The following DAG1 variants were observed in gnomAD, a reference collection of about 807,000 sequenced individuals.
The protein encoded by DAG1 is dystroglycan 1 (dystrophin-associated glycoprotein 1).
In DAG1, 8 loss-of-function variants were observed where a neutral mutation model predicts 46.1. The observed-to-expected ratio is 0.17, with a 90% CI of 0.10 to 0.31. The LOEUF is 0.31. DAG1 is among the 10% of genes least tolerant of loss of function. The pLI is 1.00. For synonymous variants in DAG1, 495 were observed against 481.8 expected (o/e 1.03, Z -0.36); for missense variants, 1,003 against 1,189.9 (o/e 0.84, Z 2.31).
chr3:49,471,306 A>G (rs930054397), intron 1 of DAG1, among the ~76,000 whole-genome samples: 3 of 152,188 alleles, frequency 2.0e-5, no homozygotes, highest in African/African-American at 7.2e-5. Flanking sequence ...CGTGAAGGGA[A>G]GGTGGTGTTT....
intron 1 of DAG1, chr3:49,476,909 A>C (rs1463665349): frequency 6.6e-6 from 1 of 152,218 alleles, no homozygotes; most frequent in Admixed American, 6.6e-5. Context: ...AGGTGAGGTA[A>C]GGTACTTGAA....
Position 49,532,408 on chromosome 3 carries a change from C to A in DAG1, c.1897C>A (p.Leu633Met). The change falls in exon 3 of 3, where the codon CTG becomes ATG. Residue 633 changes from leucine to methionine, a missense_variant. Leu to Met is a conservative substitution (Grantham distance 15, BLOSUM62 2). Coordinates refer to ENST00000308775, the MANE Select transcript of DAG1 (RefSeq NM_004393.6). The surrounding 1 kb of genome is among the most constrained non-coding windows in gnomAD (Gnocchi z 5.4). ...CAAGAAGATTGCCTTGGTAAAGAAACTGGCCTTCGCCTTTGGAGACCGAAA... is the reference window on the plus strand; with the variant it reads ...CAAGAAGATTGCCTTGGTAAAGAAAATGGCCTTCGCCTTTGGAGACCGAAA... ...IHKKIALVKK[L>M]AFAFGDRNCS... 1 of 1,614,212 alleles carries A rather than the reference C, an allele frequency of 6.2e-7. No individual in the cohort carries two copies. The highest frequency in any genetic ancestry group is 8.5e-7 in the Non-Finnish European group (1 of 1,180,052).
chr3:49,515,519 G>A (rs1271042662), intron 2 of DAG1, among the ~76,000 whole-genome samples: 1 of 151,240 alleles, frequency 6.6e-6, no homozygotes, highest in Non-Finnish European at 1.5e-5. Flanking sequence ...CCAAGTAACT[G>A]GGACTATAGG....
intron 2 of DAG1, among the ~76,000 whole-genome samples, chr3:49,516,098 A>G (rs73074811): frequency 2.8e-4 from 42 of 152,262 alleles, no homozygotes; most frequent in African/African-American, 9.4e-4. Flanking sequence ...GGGTACAGCC[A>G]TATCTTTCAG....
intron 2 of DAG1, among the ~76,000 whole-genome samples, chr3:49,512,166 G>A (rs867318055): frequency 4.6e-5 from 7 of 151,740 alleles, no homozygotes; most frequent in Non-Finnish European, 7.4e-5. Context: ...CAAGTAGCTG[G>A]GACTACAGGT....
chr3:49,531,728 C>G lies in DAG1; in HGVS notation c.1217C>G (p.Thr406Ser), dbSNP rs1398739472. ...TVPGQIRPTM[T>S]IPGYVEPTAV... ...CCTGGCCAGATTCGCCCAACGATGA[C>G]CATTCCTGGCTATGTGGAGCCTACT... Residue 406 changes from threonine (T) to serine (S), a missense_variant, in exon 3 of 3, where the codon ACC becomes AGC. Around this residue, in one of 3 missense-constraint regions of DAG1, gnomAD observed 755 missense variants for 854.1 expected, o/e 0.88. Coordinates refer to ENST00000308775, the MANE Select transcript of DAG1 (RefSeq NM_004393.6). This position sits in a 1 kb window ranked among gnomAD's most constrained non-coding sequence, Gnocchi z 7.0. 1.2e-6 allele frequency: 2 copies of G among 1,613,974 alleles called. No individual in the cohort carries two copies. The highest frequency in any genetic ancestry group is 1.7e-6 in the Non-Finnish European group (2 of 1,180,024).
rs563610375 is a variant in DAG1, at chr3:49,533,329, CAG to C, written c.*131_*132del. 128 of 1,399,956 alleles carry C rather than the reference CAG, an allele frequency of 9.1e-5. 1 individual carries two copies. The highest frequency in any genetic ancestry group is 6.5e-4 in the South Asian group (53 of 81,498). 86.7% of individuals were successfully genotyped at this position (1,399,956 alleles called of 1,614,324 possible). On this transcript the variant is annotated 3_prime_UTR_variant, in exon 3 of 3. Coordinates refer to ENST00000308775, the MANE Select transcript of DAG1 (RefSeq NM_004393.6). ...ACACCTGACCTAGCACACACTGACA[CAG>C]GGGCCTGGACAAGCCCGCCCTCTCT...
At position 49,533,969 on chromosome 3, in the gene DAG1, C is replaced by T; in HGVS notation, c.*770C>T. On this transcript the variant is annotated 3_prime_UTR_variant, in exon 3 of 3. Transcript: ENST00000308775. ...GCCAGGGGCTGGAAGCTGGAGGGGT[C>T]TCTTGGGCCATGGACATCCCCACTT... The T allele has an allele frequency of 6.3e-6, 1 of 157,648 alleles. No individual in the cohort carries two copies. The highest frequency in any genetic ancestry group is 1.4e-5 in the Non-Finnish European group (1 of 71,374). The allele number at this position is 157,648 out of a possible 1,614,324, so 9.8% of individuals were successfully genotyped here.
intron 1 of DAG1, among the ~76,000 whole-genome samples, chr3:49,490,786 T>C (rs2050160365): frequency 6.6e-6 from 1 of 151,690 alleles, no homozygotes; most frequent in African/African-American, 2.4e-5. Context: ...CCCAGGCTGG[T>C]CTCAAACTCA....
chr3:49,480,437 G>A (rs1036809597), intron 1 of DAG1, among the ~76,000 whole-genome samples: 5 of 151,092 alleles, frequency 3.3e-5, no homozygotes, highest in African/African-American at 7.3e-5. Context: ...CACCACGCCC[G>A]GCTAATTTTT....
chr3:49,520,792 A>C (rs941674218), intron 2 of DAG1, among the ~76,000 whole-genome samples: 1 of 152,172 alleles, frequency 6.6e-6, no homozygotes, highest in Non-Finnish European at 1.5e-5. Flanking sequence ...ATCCCTCTTT[A>C]CTGGCCATCA....
chr3:49,485,881 A>G (rs2050012181), intron 1 of DAG1, among the ~76,000 whole-genome samples: 1 of 151,806 alleles, frequency 6.6e-6, no homozygotes, highest in Non-Finnish European at 1.5e-5. Context: ...GGCTAGTCTC[A>G]AACTCCTAGC....
chr3:49,497,476 T>C (rs1048752553), intron 1 of DAG1, among the ~76,000 whole-genome samples: 1 of 150,196 alleles, frequency 6.7e-6, no homozygotes, highest in Non-Finnish European at 1.5e-5. Context: ...GAGCCAGGCA[T>C]GGTGCTGTGA....
At chr3:49,491,461 C>T (rs2050182181) in intron 1 of DAG1, among the ~76,000 whole-genome samples, 1 of 151,922 alleles carries the variant, frequency 6.6e-6, no homozygotes, top group African/African-American at 2.4e-5. Context: ...TAGGCACCTG[C>T]CACTATGTCC....
rs141812986 is a variant in DAG1 at position 49,478,139 on chromosome 3, C to T, written c.-117+7706C>T. ...AAAATTAGCCAGGCGTGGTGGTGTGCGCCTGTAATCCCAGCTACCTGGGAG... is the reference window on the plus strand; with the variant it reads ...AAAATTAGCCAGGCGTGGTGGTGTGTGCCTGTAATCCCAGCTACCTGGGAG... On this transcript the variant is annotated intron_variant, in intron 1 of 2. Transcript: ENST00000308775. 2.7e-3 allele frequency among the ~76,000 whole-genome samples: 407 copies of T among 149,304 alleles called. 1 individual carries two copies. Among genetic ancestry groups the T allele is most frequent in the African/African-American group, 9.5e-3 (386 of 40,516 alleles).
In DAG1 at chr3:49,535,142, C is replaced by T. The variant is rs1559584846; in HGVS notation, c.*1943C>T. 6.6e-6 allele frequency: 1 copy of T among 152,276 alleles called. No individual in the cohort carries two copies. The highest frequency in any genetic ancestry group is 1.5e-5 in the Non-Finnish European group (1 of 68,072). The allele number at this position is 152,276 out of a possible 1,614,324, so 9.4% of individuals were successfully genotyped here. On this transcript the variant is annotated 3_prime_UTR_variant, in exon 3 of 3. Coordinates refer to ENST00000308775, the MANE Select transcript of DAG1 (RefSeq NM_004393.6). ...GCTCAGTGGACCACTGGTGACTGGG[C>T]TCATGCCTCCAAGTCAGAGTTTCCC... is the stretch of plus-strand genomic sequence containing the variant.
chr3:49,524,842 C>T (rs538621040), intron 2 of DAG1, among the ~76,000 whole-genome samples: 5 of 152,030 alleles, frequency 3.3e-5, no homozygotes, highest in African/African-American at 1.2e-4. Flanking sequence ...ACAAAATACC[C>T]GGGCACGTGC....
intron 1 of DAG1, among the ~76,000 whole-genome samples, chr3:49,481,921 A>C (rs1306809400): frequency 6.6e-6 from 1 of 152,184 alleles, no homozygotes; most frequent in African/African-American, 2.4e-5. Context: ...CTATGGATTG[A>C]AAATATTTGG....
chr3:49,531,207 T>TA lies in DAG1; in HGVS notation c.698dup (p.Asn233LysfsTer5). On this transcript the variant is annotated frameshift_variant, in exon 3 of 3. Coordinates refer to ENST00000308775, the MANE Select transcript of DAG1 (RefSeq NM_004393.6). LOFTEE classifies it high-confidence loss of function. This position sits in a 1 kb window ranked among gnomAD's most constrained non-coding sequence, Gnocchi z 7.0. ...ACATGAAATTAGTGCCGGTGGTGAATAACAGACTATTTGACATGTCGGCCT... is the reference window on the plus strand; with the variant it reads ...ACATGAAATTAGTGCCGGTGGTGAATAAACAGACTATTTGACATGTCGGCCT... The TA allele has an allele frequency of 6.2e-7, 1 of 1,614,104 alleles. No homozygotes were observed. Among genetic ancestry groups the TA allele is most frequent in the Non-Finnish European group, 8.5e-7 (1 of 1,180,004 alleles).
Sources: gnomAD v4.1 joint callset for allele counts (sites outside exome capture counted in the v4.1 genomes callset) on GRCh38, gnomAD v4.1.1 for gene constraint, gnomAD v4.1.1 regional missense constraint, Gnocchi (gnomAD v3.1) non-coding constraint, MANE v1.5 for transcripts, NCBI Gene and HGNC (gene_info 2026-07-23, HGNC 2026-07-21) for gene names.